SDK1: variants seen among roughly 807,000 people sequenced by gnomAD.
SDK1 encodes the protein protein sidekick-1.
SDK1 carries 157 observed loss-of-function variants against 245.5 expected under a neutral mutation model. That is an observed-to-expected ratio of 0.64 (90% CI 0.56 to 0.73). The LOEUF (loss-of-function observed/expected upper bound fraction) is 0.73. Ranked by LOEUF, SDK1 falls within the 30% of genes least tolerant of loss-of-function variation. SDK1 has a pLI of 0.00. For synonymous variants in SDK1, 1,647 were observed against 1,278.5 expected (o/e 1.29, Z -6.15); for missense variants, 3,583 against 3,002.3 (o/e 1.19, Z -4.52).
At chr7:3,532,699 C>T (rs1031542545) in intron 1 of SDK1, among the ~76,000 whole-genome samples, 1 of 152,082 alleles carries the variant, frequency 6.6e-6, no homozygotes, top group Non-Finnish European at 1.5e-5. Flanking sequence ...GGATTCTTGC[C>T]TCTCACTTTC....
chr7:4,154,620 C>G (rs1562895543), intron 30 of SDK1, among the ~76,000 whole-genome samples: 1 of 152,134 alleles, frequency 6.6e-6, no homozygotes, highest in Admixed American at 6.5e-5. Context: ...CTGTGTGCCA[C>G]GATCCACCCG....
At chr7:3,662,663 G>A (rs541692054) in intron 4 of SDK1, among the ~76,000 whole-genome samples, 3 of 152,152 alleles carry the variant, frequency 2.0e-5, no homozygotes, top group South Asian at 2.1e-4. Context: ...GATGTTTCGG[G>A]TTCTTTGTCT....
intron 2 of SDK1, among the ~76,000 whole-genome samples, chr7:3,632,791 C>G (rs1782337932): frequency 6.6e-6 from 1 of 152,148 alleles, no homozygotes; most frequent in South Asian, 2.1e-4. Context: ...TATACACCAT[C>G]AAAGTCACAT....
intron 42 of SDK1, among the ~76,000 whole-genome samples, chr7:4,238,242 G>A (rs1394104902): frequency 6.6e-6 from 1 of 151,984 alleles, no homozygotes; most frequent in African/African-American, 2.4e-5. Context: ...ACTACGCCCG[G>A]CTAATTTTTG....
intron 4 of SDK1, among the ~76,000 whole-genome samples, chr7:3,811,485 G>A (rs1779381130): frequency 6.6e-6 from 1 of 152,196 alleles, no homozygotes; most frequent in Non-Finnish European, 1.5e-5. Context: ...AGGAAACTCA[G>A]GGAGCTTGGT....
chr7:4,183,634 C>G (rs1209320221), intron 35 of SDK1, among the ~76,000 whole-genome samples: 1 of 144,310 alleles, frequency 6.9e-6, no homozygotes, highest in African/African-American at 2.7e-5. Context: ...GAGCAAGACT[C>G]CGTCTCAAAA....
At chr7:3,916,227 C>T (rs1000364490) in intron 5 of SDK1, among the ~76,000 whole-genome samples, 2 of 152,162 alleles carry the variant, frequency 1.3e-5, no homozygotes, top group Admixed American at 1.3e-4. Flanking sequence ...CTCAGTGGAT[C>T]TACATTTTAC....
chr7:4,212,082 T>C (rs886766293), intron 38 of SDK1, among the ~76,000 whole-genome samples: 7 of 152,190 alleles, frequency 4.6e-5, no homozygotes, highest in Non-Finnish European at 7.3e-5. Context: ...CCCTGTAATA[T>C]ACACAGACAG....
At chr7:4,040,038 C>T (rs761854029) in intron 17 of SDK1, among the ~76,000 whole-genome samples, 6 of 152,106 alleles carry the variant, frequency 3.9e-5, no homozygotes, top group South Asian at 2.1e-4. Context: ...GAGAGGAAGA[C>T]GCTGAAGCAC....
chr7:4,040,806 T>G lies in SDK1; in HGVS notation c.2603-8542T>G, dbSNP rs548175885. 2.0e-5 allele frequency among the ~76,000 whole-genome samples: 3 copies of G among 152,330 alleles called. No homozygotes were observed. In the East Asian group the frequency reaches 5.8e-4, roughly 29 times the overall value. On this transcript the variant is annotated intron_variant, in intron 17 of 44. Transcript: ENST00000404826. ...GCTGGTGCCTTGTTGCCTGCATTTT[T>G]ACTGTACACGTGGTGACAAAGAAAA...
chr7:3,617,562 A>G (rs1219794208), intron 1 of SDK1, among the ~76,000 whole-genome samples: 3 of 152,182 alleles, frequency 2.0e-5, no homozygotes, highest in Admixed American at 2.0e-4. Flanking sequence ...TGATGGAAGT[A>G]TATTTGACTC....
intron 28 of SDK1, chr7:4,134,987 G>A (rs547640650): frequency 2.0e-5 from 3 of 152,296 alleles, no homozygotes; most frequent in Non-Finnish European, 2.9e-5. Flanking sequence ...GAGGACTCAC[G>A]CCGATGTCCT....
At chr7:3,808,870 T>G (rs1317691022) in intron 4 of SDK1, among the ~76,000 whole-genome samples, 1 of 152,128 alleles carries the variant, frequency 6.6e-6, no homozygotes, top group Non-Finnish European at 1.5e-5. Context: ...TCATTAAAAA[T>G]TGGATTTTCA....
At chr7:3,512,165 T>G (rs1481183192) in intron 1 of SDK1, among the ~76,000 whole-genome samples, 1 of 152,128 alleles carries the variant, frequency 6.6e-6, no homozygotes, top group Non-Finnish European at 1.5e-5. Context: ...TTTAACTGTC[T>G]CTGTAGTTTT....
intron 1 of SDK1, among the ~76,000 whole-genome samples, chr7:3,551,124 T>C (rs1779389005): frequency 6.6e-6 from 1 of 152,218 alleles, no homozygotes; most frequent in Non-Finnish European, 1.5e-5. Context: ...GTTTTTGTTC[T>C]TTTGTATTTT....
chr7:3,600,705 C>T (rs980570575), intron 1 of SDK1, among the ~76,000 whole-genome samples: 24 of 151,872 alleles, frequency 1.6e-4, no homozygotes, highest in African/African-American at 5.3e-4. Flanking sequence ...CCCACCACCA[C>T]GCCCGGTTAA....
chr7:3,350,301 T>G (rs1028160934), intron 1 of SDK1, among the ~76,000 whole-genome samples: 20 of 151,216 alleles, frequency 1.3e-4, no homozygotes, highest in Admixed American at 1.1e-3. Flanking sequence ...CGTTATTTAT[T>G]TGGGGACAGC....
intron 1 of SDK1, among the ~76,000 whole-genome samples, chr7:3,359,863 G>A (rs975582014): frequency 6.6e-6 from 1 of 152,182 alleles, no homozygotes; most frequent in African/African-American, 2.4e-5. Context: ...TACTGTACCT[G>A]TGACCCATGA....
At chr7:3,575,408 C>T (rs28735285) in intron 1 of SDK1, among the ~76,000 whole-genome samples, 88,435 of 151,788 alleles carry the variant, frequency 0.58, 27,274 homozygotes, top group African/African-American at 0.77. Flanking sequence ...GCCATCACAT[C>T]AGGGGTTAGG....
Sources: allele counts gnomAD v4.1 joint callset (sites outside exome capture counted in the v4.1 genomes callset), GRCh38; gene constraint gnomAD v4.1.1; transcripts MANE v1.5; gene names NCBI Gene and HGNC (gene_info 2026-07-23, HGNC 2026-07-21).